SAMD3: variants seen among roughly 807,000 people sequenced by gnomAD.
SAMD3 encodes the protein sterile alpha motif domain containing 3, also known as sterile alpha motif domain-containing protein 3.
Under a neutral mutation model 58.5 loss-of-function variants are expected in SAMD3, and 63 were observed. The observed-to-expected ratio is 1.08, with a 90% confidence interval of 0.88 to 1.33. The LOEUF (loss-of-function observed/expected upper bound fraction) is 1.33. Among genes scored for constraint, SAMD3 ranks in the 40% most tolerant of loss-of-function variants. The pLI, the probability that SAMD3 is intolerant of heterozygous loss-of-function variation, is 0.00. For synonymous variants in SAMD3, 220 were observed against 210.3 expected, an observed-to-expected ratio of 1.05 and a Z score of -0.40; for missense variants, 604 against 608.4, an observed-to-expected ratio of 0.99 and a Z score of 0.08.
In SAMD3 at chr6:130,144,367, G is replaced by A; in HGVS notation, c.*153C>T. The A allele has an allele frequency of 1.6e-6, 1 of 636,072 alleles. No individual in the cohort carries two copies. The highest frequency in any genetic ancestry group is 3.4e-5 in the Admixed American group (1 of 29,698). The allele number at this position is 636,072 out of a possible 1,614,324, so 39.4% of individuals were successfully genotyped here. ...ATTTCACAAAGAACTTAATATCTAA[G>A]TGTAAAGATAGAAAGCATTGAAATT... is the stretch of plus-strand genomic sequence containing the variant. On this transcript the variant is annotated 3_prime_UTR_variant, in exon 12 of 12. Transcript: ENST00000439090.
chr6:130,338,929 G>A (rs1777181752), intron 1 of SAMD3, among the ~76,000 whole-genome samples: 2 of 152,186 alleles, frequency 1.3e-5, no homozygotes, highest in Admixed American at 6.5e-5. Context: ...AGACTTTGAA[G>A]GGACTGTTGG....
At chr6:130,204,236 A>G (rs1361937174) in intron 5 of SAMD3, among the ~76,000 whole-genome samples, 1 of 152,176 alleles carries the variant, frequency 6.6e-6, no homozygotes, top group Admixed American at 6.5e-5. Context: ...CTTATTAGCT[A>G]CTAAAAGAGA....
chr6:130,281,745 C>T (rs1303899021), intron 2 of SAMD3, among the ~76,000 whole-genome samples: 1 of 152,060 alleles, frequency 6.6e-6, no homozygotes, highest in Admixed American at 6.6e-5. Flanking sequence ...ATGGAGAAAC[C>T]ATGTCTCTAC....
intron 2 of SAMD3, among the ~76,000 whole-genome samples, chr6:130,235,427 G>A (rs562297103): frequency 4.6e-5 from 7 of 152,218 alleles, no homozygotes; most frequent in Admixed American, 1.3e-4. Flanking sequence ...TTTAATAGTG[G>A]CTTTTTCAAT....
chr6:130,223,024 A>C (rs1185343419), upstream of SAMD3: 1 of 152,140 alleles, frequency 6.6e-6, no homozygotes, highest in Non-Finnish European at 1.5e-5. Flanking sequence ...TAACGTTTGC[A>C]CCTCTCAAAG....
chr6:130,231,914 G>A (rs1225643387), intron 2 of SAMD3, among the ~76,000 whole-genome samples: 2 of 152,166 alleles, frequency 1.3e-5, no homozygotes, highest in African/African-American at 4.8e-5. Context: ...TGATGGAAGT[G>A]TTCTATATCT....
rs532773558 is a variant in SAMD3, at chr6:130,262,443, G to GAA, written c.-187-39632_-187-39631dup. Reference sequence around the variant, plus strand: ...CTTAAAATATGGGGCTATTCTGTTAGAAAAAAAAAAAAGGAAATTCCCTTA... The same window carrying GAA: ...CTTAAAATATGGGGCTATTCTGTTAGAAAAAAAAAAAAAAGGAAATTCCCTTA... On this transcript the variant is annotated intron_variant, in intron 2 of 13. Transcript: ENST00000368134. Among the ~76,000 whole-genome samples the GAA allele has an allele frequency of 5.5e-3, 766 of 140,432 alleles. 8 individuals carry two copies. Among genetic ancestry groups the GAA allele is most frequent in the African/African-American group, 0.019 (733 of 38,588 alleles). 92.1% of individuals were successfully genotyped at this position (140,432 alleles called of 152,430 possible). A position where few individuals can be genotyped will look rare whatever the true frequency, so the allele number is the denominator to read the frequency against.
intron 5 of SAMD3, among the ~76,000 whole-genome samples, chr6:130,191,720 C>T (rs1377704997): frequency 6.7e-6 from 1 of 149,498 alleles, no homozygotes. Flanking sequence ...TTTTCATTCT[C>T]TTTTTACTTC....
chr6:130,313,225 C>G (rs1776243011), intron 1 of SAMD3: 1 of 152,180 alleles, frequency 6.6e-6, no homozygotes, highest in Admixed American at 6.5e-5. Flanking sequence ...TTGAAAAGCA[C>G]TGTCATGGTG....
intron 7 of SAMD3, among the ~76,000 whole-genome samples, chr6:130,178,382 G>GA (rs578242227): frequency 0.015 from 2,063 of 141,700 alleles, 17 homozygotes; most frequent in East Asian, 0.035. Flanking sequence ...GCGGGGAAGG[G>GA]AAAAAAAAAA....
intron 2 of SAMD3, among the ~76,000 whole-genome samples, chr6:130,244,603 G>A (rs1397597651): frequency 6.6e-6 from 1 of 152,016 alleles, no homozygotes; most frequent in East Asian, 1.9e-4. Context: ...AGCCGGGTGT[G>A]GTGCTGTGCA....
upstream of SAMD3, among the ~76,000 whole-genome samples, chr6:130,226,743 G>A (rs111587949): frequency 0.012 from 1,901 of 152,112 alleles, 29 homozygotes; most frequent in African/African-American, 0.044. Context: ...CAGGAGAATC[G>A]CTTGAACCTG....
rs141135027 is a variant in SAMD3 at position 130,287,869 on chromosome 6, C to A, written c.-188+25109G>T. 7.0e-3 allele frequency among the ~76,000 whole-genome samples: 1,062 copies of A among 151,224 alleles called. 14 individuals are homozygous for A. Among genetic ancestry groups the A allele is most frequent in the African/African-American group, 0.022 (916 of 41,156 alleles). On this transcript the variant is annotated intron_variant, in intron 2 of 13. Coordinates refer to the SAMD3 transcript ENST00000368134. Reference sequence around the variant, plus strand: ...TTGAGGCAGGAGAATCGCTTGAACCCGGGAGGCGGAGGTTGCAGTGAGCTG... The same window carrying A: ...TTGAGGCAGGAGAATCGCTTGAACCAGGGAGGCGGAGGTTGCAGTGAGCTG...
In SAMD3 at chr6:130,241,260, G is replaced by T. The variant is rs187911229; in HGVS notation, c.-187-18447C>A. On this transcript the variant is annotated intron_variant, in intron 2 of 13. Transcript: ENST00000368134. ...AGTCTCACTCTTGTCGCCCAGGCTG[G>T]AGTGCAATGGCGCAGTCTCGGCTCA... Among the ~76,000 whole-genome samples the T allele has an allele frequency of 2.6e-3, 390 of 147,322 alleles. 3 individuals carry two copies. Among genetic ancestry groups the T allele is most frequent in the African/African-American group, 9.6e-3 (376 of 39,140 alleles).
downstream of SAMD3, chr6:130,143,069 TC>T (rs1788355582): frequency 6.6e-6 from 1 of 152,206 alleles, no homozygotes; most frequent in South Asian, 2.1e-4. Flanking sequence ...GGGCAACTGT[TC>T]TTTGACTTCT....
chr6:130,272,331 A>G (rs1338017802), intron 2 of SAMD3, among the ~76,000 whole-genome samples: 2 of 152,204 alleles, frequency 1.3e-5, no homozygotes, highest in Non-Finnish European at 2.9e-5. Flanking sequence ...GAATTCAAGC[A>G]TGGCTAAAAT....
chr6:130,222,195 A>G (rs1796254470), intron 1 of SAMD3, among the ~76,000 whole-genome samples: 1 of 152,230 alleles, frequency 6.6e-6, no homozygotes, highest in Non-Finnish European at 1.5e-5. Context: ...CATTAAAAAT[A>G]TTTCTACATT....
At chr6:130,350,823 C>T (rs1777632153) in intron 1 of SAMD3, among the ~76,000 whole-genome samples, 1 of 152,166 alleles carries the variant, frequency 6.6e-6, no homozygotes, top group Non-Finnish European at 1.5e-5. Flanking sequence ...TGACTTCAAA[C>T]TATACTACAA....
chr6:130,299,046 A>G (rs897690354), intron 2 of SAMD3, among the ~76,000 whole-genome samples: 1 of 152,164 alleles, frequency 6.6e-6, no homozygotes, highest in African/African-American at 2.4e-5. Context: ...AACACTAGAC[A>G]GATCACTGTG....
Sources: gnomAD v4.1 joint callset for allele counts (sites outside exome capture counted in the v4.1 genomes callset) on GRCh38, gnomAD v4.1.1 for gene constraint, MANE v1.5 for transcripts, NCBI Gene and HGNC (gene_info 2026-07-23, HGNC 2026-07-21) for gene names.